The following TMEM38B variants were observed in gnomAD, a reference collection of about 807,000 sequenced individuals.
TMEM38B encodes transmembrane protein 38B.
A neutral mutation model predicts 28.7 loss-of-function variants in TMEM38B; 24 were observed. That is an observed-to-expected ratio of 0.84 (90% confidence interval 0.61 to 1.18). The LOEUF (loss-of-function observed/expected upper bound fraction) is 1.18, where lower values mean the gene tolerates loss of function less well. Among genes scored for constraint, TMEM38B ranks in the 50% most tolerant of loss-of-function variants. The pLI, the probability that TMEM38B is intolerant of heterozygous loss-of-function variation, is 0.00. For synonymous variants in TMEM38B, 131 were observed against 127.7 expected (o/e 1.03, Z -0.17); for missense variants, 380 against 350.9 (o/e 1.08, Z -0.66).
chr9:105,740,559 C>G (rs1837164548), intron 4 of TMEM38B, among the ~76,000 whole-genome samples: 1 of 152,178 alleles, frequency 6.6e-6, no homozygotes, highest in African/African-American at 2.4e-5. Context: ...AGCCACCACG[C>G]CCGGCCCCTA....
chr9:105,699,838 T>G (rs1408812130), intron 1 of TMEM38B, among the ~76,000 whole-genome samples: 2 of 152,192 alleles, frequency 1.3e-5, no homozygotes, highest in South Asian at 2.1e-4. Context: ...TATAAGTTTT[T>G]TTTGTTTGTT....
At position 105,740,557 on chromosome 9, in the gene TMEM38B, C is replaced by T. The variant is rs891290247; in HGVS notation, c.543-7516C>T. Among the ~76,000 whole-genome samples the T allele has an allele frequency of 3.3e-5, 5 of 152,260 alleles. No individual in the cohort carries two copies. In the East Asian group the frequency reaches 5.8e-4, roughly 18 times the overall value. On this transcript the variant is annotated intron_variant, in intron 4 of 5. Coordinates refer to ENST00000374692, the MANE Select transcript of TMEM38B (RefSeq NM_018112.3). ...CTGGAATTACAAGCGTGAGCCACCA[C>T]GCCCGGCCCCTAGGTATTCTTTAAA... is the stretch of plus-strand genomic sequence containing the variant.
In TMEM38B at chr9:105,705,710, T is replaced by C; in HGVS notation, c.226T>C (p.Phe76Leu). The change falls in exon 2 of 6, where the codon TTT becomes CTT. Residue 76 changes from phenylalanine to leucine, a missense_variant. Transcript: ENST00000374692. ...ACTGCTTGCAGAGCCTCCATTGAAGTTTCTTGCAAACCACACTAACATATT... is the reference window on the plus strand; with the variant it reads ...ACTGCTTGCAGAGCCTCCATTGAAGCTTCTTGCAAACCACACTAACATATT... ...CLLLAEPPLK[F>L]LANHTNILLA... is the part of the protein sequence containing the mutation. The C allele has an allele frequency of 1.2e-6, 2 of 1,613,966 alleles. No individual in the cohort carries two copies. Among genetic ancestry groups the C allele is most frequent in the East Asian group, 2.2e-5 (1 of 44,858 alleles).
intron 5 of TMEM38B, among the ~76,000 whole-genome samples, chr9:105,761,343 A>G (rs1838040831): frequency 6.6e-6 from 1 of 152,068 alleles, no homozygotes; most frequent in Non-Finnish European, 1.5e-5. Context: ...ATTATCCCCA[A>G]CTGCTTCAGT....
At chr9:105,733,057 T>G (rs1416254025) in intron 4 of TMEM38B, among the ~76,000 whole-genome samples, 1 of 152,184 alleles carries the variant, frequency 6.6e-6, no homozygotes, top group Non-Finnish European at 1.5e-5. Context: ...AGTGAGTTTC[T>G]TAATCCTGAG....
chr9:105,773,498 G>A (rs1210015247), intron 5 of TMEM38B, among the ~76,000 whole-genome samples: 1 of 152,138 alleles, frequency 6.6e-6, no homozygotes, highest in Non-Finnish European at 1.5e-5. Context: ...TAGAATAGTT[G>A]TTGGGTTAAA....
intron 4 of TMEM38B, 144 bp downstream of exon 4, chr9:105,722,765 G>A: frequency 1.7e-6 from 1 of 583,908 alleles, no homozygotes; most frequent in Non-Finnish European, 2.8e-6. Flanking sequence ...AAGAGAACTA[G>A]CAAATTTTGT....
At chr9:105,758,280 G>A (rs776673079) in intron 5 of TMEM38B, 24 of 688,424 alleles carry the variant, frequency 3.5e-5, no homozygotes, top group South Asian at 6.7e-5. Context: ...GCTCACAGAC[G>A]TTAAATCCTT....
chr9:105,741,057 A>G (rs1837185818), intron 4 of TMEM38B, among the ~76,000 whole-genome samples: 1 of 152,200 alleles, frequency 6.6e-6, no homozygotes, highest in African/African-American at 2.4e-5. Context: ...GAATGCAGTC[A>G]CATGTATCCT....
chr9:105,694,608 G>C lies in TMEM38B; in HGVS notation c.-53G>C, dbSNP rs907137573. 25 of 1,507,104 alleles carry C rather than the reference G, an allele frequency of 1.7e-5. No homozygotes were observed. The highest frequency in any genetic ancestry group is 2.1e-5 in the Non-Finnish European group (23 of 1,085,316). 93.4% of individuals were successfully genotyped at this position (1,507,104 alleles called of 1,614,324 possible). On this transcript the variant is annotated 5_prime_UTR_variant, in exon 1 of 6. Transcript: ENST00000374692. The stretch of plus-strand genomic sequence containing the variant: ...CCCTCTCCTACTCCTCACCGCGCGA[G>C]CGCGGGGAACCAGTAGCCGCGGCTG...
chr9:105,721,397 T>C (rs1478205251), intron 2 of TMEM38B, 140 bp from the exon 3 acceptor site: 1 of 671,076 alleles, frequency 1.5e-6, no homozygotes, highest in East Asian at 3.0e-5. Context: ...AGTTGTGCTT[T>C]TATTGAAATC....
rs189711381 is a variant in TMEM38B, at chr9:105,771,454, A to C, written c.661-2411A>C. On this transcript the variant is annotated intron_variant, in intron 5 of 5. Transcript: ENST00000374692. ...ATTAAAACACTTGAGTTTGAAAAAT[A>C]CTTATTATAGTTCATGTTCTCAGAA... Among the ~76,000 whole-genome samples the C allele has an allele frequency of 5.3e-5, 8 of 152,264 alleles. No homozygotes were observed. The East Asian group carries it at 1.5e-3, about 29-fold the overall frequency.
chr9:105,759,591 T>A, intron 5 of TMEM38B: 1 of 1,560,364 alleles, frequency 6.4e-7, no homozygotes, highest in Admixed American at 1.7e-5. Context: ...TGGAAGGAAT[T>A]GTAGATGTGT....
intron 2 of TMEM38B, among the ~76,000 whole-genome samples, chr9:105,711,684 G>A (rs10816300): frequency 2.0e-5 from 3 of 151,742 alleles, no homozygotes; most frequent in Non-Finnish European, 2.9e-5. Flanking sequence ...GCTGAGTGTC[G>A]TGACGCATGC....
intron 1 of TMEM38B, chr9:105,701,067 T>C (rs2133546076): frequency 6.6e-6 from 1 of 152,246 alleles, no homozygotes; most frequent in South Asian, 2.1e-4. Context: ...TTTCAGCCTA[T>C]TGTTCCCCCA....
In TMEM38B at chr9:105,694,763, C is replaced by T. The variant is rs755869554; in HGVS notation, c.103C>T (p.Arg35Cys). ...TCTAGTGTCAGTGATGGCGGTGAAA[C>T]GTCAGCCGGGTGAGTGCGGGGCGCC... is the stretch of plus-strand genomic sequence containing the variant. ...HYLVSVMAVK[R>C]QPGAAALAWK... Residue 35 changes from arginine to cysteine, a missense_variant, in exon 1 of 6, where the codon CGT becomes TGT. Coordinates refer to ENST00000374692, the MANE Select transcript of TMEM38B (RefSeq NM_018112.3). 4.6e-5 allele frequency: 70 copies of T among 1,536,302 alleles called. No homozygotes were observed. The highest frequency in any genetic ancestry group is 6.1e-5 in the Non-Finnish European group (69 of 1,132,362).
chr9:105,743,446 A>C (rs1837276073), intron 4 of TMEM38B, among the ~76,000 whole-genome samples: 1 of 152,218 alleles, frequency 6.6e-6, no homozygotes, highest in Non-Finnish European at 1.5e-5. Flanking sequence ...TGGCATTCTT[A>C]GAGTTTATCA....
At chr9:105,713,618 G>C (rs566025978) in intron 2 of TMEM38B, among the ~76,000 whole-genome samples, 1 of 152,308 alleles carries the variant, frequency 6.6e-6, no homozygotes, top group South Asian at 2.1e-4. Flanking sequence ...CAACAGCCTG[G>C]ACATGATGGA....
intron 5 of TMEM38B, chr9:105,758,541 A>C: frequency 8.1e-7 from 1 of 1,230,280 alleles, no homozygotes; most frequent in East Asian, 2.3e-5. Context: ...ACAACAGACT[A>C]TCCAACTGTT....
Sources: allele counts gnomAD v4.1 joint callset (sites outside exome capture counted in the v4.1 genomes callset), GRCh38; gene constraint gnomAD v4.1.1; transcripts MANE v1.5; gene names NCBI Gene and HGNC (gene_info 2026-07-23, HGNC 2026-07-21).